GRID1: variants seen among roughly 807,000 people sequenced by gnomAD.
GRID1 encodes the protein glutamate ionotropic receptor delta type subunit 1.
Under a neutral mutation model 98.0 loss-of-function variants are expected in GRID1, and 28 were observed. That is an observed-to-expected ratio of 0.29 (90% CI 0.21 to 0.39). The LOEUF (loss-of-function observed/expected upper bound fraction) is 0.39. GRID1 is among the 10% of genes least tolerant of loss of function. The probability of loss-of-function intolerance (pLI) is 1.00; values close to 1 mark genes in which losing one functional copy is unlikely to be tolerated. For synonymous variants in GRID1, 553 were observed against 538.5 expected, an observed-to-expected ratio of 1.03 and a Z score of -0.37; for missense variants, 1,111 against 1,340.5, an observed-to-expected ratio of 0.83 and a Z score of 2.67.
At chr10:85,690,516 A>C (rs1201346632) in intron 12 of GRID1, among the ~76,000 whole-genome samples, 4 of 152,226 alleles carry the variant, frequency 2.6e-5, no homozygotes, top group Non-Finnish European at 4.4e-5. Context: ...TAAGACCACC[A>C]AACAATGTAC....
chr10:85,725,413 A>G (rs1415192071), intron 10 of GRID1, among the ~76,000 whole-genome samples: 2 of 152,040 alleles, frequency 1.3e-5, no homozygotes, highest in African/African-American at 2.4e-5. Flanking sequence ...CCTTAAAATT[A>G]CCTCCCAAGA....
At chr10:85,610,355 C>T (rs1005681088) in intron 15 of GRID1, among the ~76,000 whole-genome samples, 19 of 152,156 alleles carry the variant, frequency 1.2e-4, no homozygotes, top group Non-Finnish European at 2.4e-4. Context: ...GAGCAGGCCC[C>T]GTATCCTTCC....
At chr10:85,990,472 A>C (rs1842666614) in intron 4 of GRID1, among the ~76,000 whole-genome samples, 1 of 152,244 alleles carries the variant, frequency 6.6e-6, no homozygotes, top group South Asian at 2.1e-4. Context: ...GAATTCAACA[A>C]ATACGTGATA....
At chr10:85,616,785 T>TA (rs1221892701) in intron 14 of GRID1, among the ~76,000 whole-genome samples, 2 of 152,172 alleles carry the variant, frequency 1.3e-5, no homozygotes, top group African/African-American at 4.8e-5. Context: ...AGAGGGATAA[T>TA]AGCCACTTCC....
At chr10:85,743,396 T>A (rs1841966470) in intron 8 of GRID1, among the ~76,000 whole-genome samples, 1 of 152,150 alleles carries the variant, frequency 6.6e-6, no homozygotes, top group African/African-American at 2.4e-5. Context: ...ACATACAGAA[T>A]CCATTAGACA....
intron 8 of GRID1, among the ~76,000 whole-genome samples, chr10:85,764,427 G>C (rs1050529102): frequency 6.6e-6 from 1 of 152,234 alleles, no homozygotes; most frequent in Non-Finnish European, 1.5e-5. Flanking sequence ...GAAGCCCAAA[G>C]TGGGCAGAGA....
intron 12 of GRID1, among the ~76,000 whole-genome samples, chr10:85,669,981 G>A (rs536868099): frequency 9.2e-5 from 14 of 152,012 alleles, no homozygotes; most frequent in Non-Finnish European, 2.1e-4. Context: ...ATCATAACAA[G>A]GTATTTTGTT....
At chr10:85,839,088 G>T (rs1004775503) in intron 8 of GRID1, among the ~76,000 whole-genome samples, 2 of 152,174 alleles carry the variant, frequency 1.3e-5, no homozygotes, top group African/African-American at 4.8e-5. Flanking sequence ...TCGGTGAGAA[G>T]ATCTAACTAT....
Position 86,195,410 on chromosome 10 carries a change from C to T in GRID1, c.520+10954G>A, listed in dbSNP as rs929404203. Among the ~76,000 whole-genome samples, 1 of 152,134 alleles carries T rather than the reference C, an allele frequency of 6.6e-6. No individual in the cohort carries two copies. Among genetic ancestry groups the T allele is most frequent in the African/African-American group, 2.4e-5 (1 of 41,444 alleles). ...GCTGCCAGAATAGCATGACCACAGC[C>T]GTCCTTGGCACCTCTTGATTTTCTA... is the stretch of plus-strand genomic sequence containing the variant. On this transcript the variant is annotated intron_variant, in intron 3 of 15. Coordinates refer to ENST00000327946, the MANE Select transcript of GRID1 (RefSeq NM_017551.3). This position sits in a 1 kb window ranked among gnomAD's most constrained non-coding sequence, Gnocchi z 4.4.
At chr10:86,149,387 C>T (rs546487813) in intron 3 of GRID1, among the ~76,000 whole-genome samples, 4 of 152,298 alleles carry the variant, frequency 2.6e-5, no homozygotes, top group African/African-American at 9.6e-5. Context: ...TGGATGACTC[C>T]GTATGGGCAC....
At chr10:85,737,687 TATA>T (rs1564575163) in intron 8 of GRID1, among the ~76,000 whole-genome samples, 14 of 73,288 alleles carry the variant, frequency 1.9e-4, no homozygotes, top group Non-Finnish European at 2.9e-4. Flanking sequence ...CATATATGGT[TATA>T]TATATATATA....
intron 8 of GRID1, among the ~76,000 whole-genome samples, chr10:85,799,652 A>C (rs1842557902): frequency 6.6e-6 from 1 of 152,122 alleles, no homozygotes; most frequent in Admixed American, 6.5e-5. Context: ...CACTCGTGGA[A>C]TCTTAAAAAA....
chr10:85,835,078 A>G (rs1286110336), intron 8 of GRID1, among the ~76,000 whole-genome samples: 1 of 152,202 alleles, frequency 6.6e-6, no homozygotes, highest in East Asian at 1.9e-4. Flanking sequence ...CAACAGAGAT[A>G]AAGAGGGACA....
intron 12 of GRID1, among the ~76,000 whole-genome samples, chr10:85,692,850 T>C (rs1283829456): frequency 6.6e-6 from 1 of 152,196 alleles, no homozygotes; most frequent in Non-Finnish European, 1.5e-5. Context: ...GAAGTAACTG[T>C]ACTTTGAGAT....
At chr10:86,110,160 G>T (rs1163989865) in intron 4 of GRID1, among the ~76,000 whole-genome samples, 1 of 152,036 alleles carries the variant, frequency 6.6e-6, no homozygotes, top group Non-Finnish European at 1.5e-5. Context: ...TTTTAGTAGA[G>T]ACAGGGTTTC....
chr10:85,633,199 AG>A (rs1483682914), intron 13 of GRID1, among the ~76,000 whole-genome samples: 2 of 152,088 alleles, frequency 1.3e-5, no homozygotes, highest in Non-Finnish European at 2.9e-5. Context: ...CAAAGTGCTG[AG>A]ATTACAGGTG....
chr10:86,056,351 A>T (rs867489246), intron 4 of GRID1, among the ~76,000 whole-genome samples: 1 of 152,312 alleles, frequency 6.6e-6, no homozygotes, highest in South Asian at 2.1e-4. Flanking sequence ...TGCAACAAAG[A>T]TCTCCCAAGG....
chr10:85,881,263 G>GA (rs879373009), intron 5 of GRID1, among the ~76,000 whole-genome samples: 1 of 151,992 alleles, frequency 6.6e-6, no homozygotes, highest in Non-Finnish European at 1.5e-5. Flanking sequence ...CACAGAATTG[G>GA]AAAAAACTAC....
At chr10:85,845,585 A>G (rs1842997820) in intron 8 of GRID1, among the ~76,000 whole-genome samples, 1 of 152,192 alleles carries the variant, frequency 6.6e-6, no homozygotes. Context: ...AAGAGTCAAG[A>G]ATCACCAAGT....
Sources: allele counts gnomAD v4.1 joint callset (sites outside exome capture counted in the v4.1 genomes callset), GRCh38; gene constraint gnomAD v4.1.1; non-coding constraint Gnocchi (gnomAD v3.1); transcripts MANE v1.5; gene names NCBI Gene and HGNC (gene_info 2026-07-23, HGNC 2026-07-21).